The following RYR3 variants were observed in gnomAD, a reference collection of about 807,000 sequenced individuals.
RYR3 encodes the protein brain ryanodine receptor-calcium release channel.
A neutral mutation model predicts 584.3 loss-of-function variants in RYR3; 207 were observed. The ratio of observed to expected loss-of-function variants is 0.35; its 90% CI spans 0.32 to 0.40. The LOEUF is 0.40. Ranked by LOEUF, RYR3 falls within the 10% of genes least tolerant of loss-of-function variation. The pLI, the probability that RYR3 is intolerant of heterozygous loss-of-function variation, is 1.00. For missense variants in RYR3, 5,616 were observed against 6,089.2 expected, an observed-to-expected ratio of 0.92 and a Z score of 2.59; for synonymous variants, 2,416 against 2,248.5, an observed-to-expected ratio of 1.07 and a Z score of -2.11.
At chr15:33,863,355 G>A (rs900523532) in intron 102 of RYR3, among the ~76,000 whole-genome samples, 1 of 152,044 alleles carries the variant, frequency 6.6e-6, no homozygotes, top group African/African-American at 2.4e-5. Context: ...TGCTACTGTG[G>A]GCCAGGACCT....
chr15:33,477,556 TA>T (rs2049492834), intron 2 of RYR3, among the ~76,000 whole-genome samples: 1 of 138,670 alleles, frequency 7.2e-6, no homozygotes, highest in Admixed American at 7.3e-5. Context: ...TTCAGGAATT[TA>T]AAGGTATCTT....
At chr15:33,638,648 A>G (rs761651893) in intron 27 of RYR3, among the ~76,000 whole-genome samples, 11 of 152,238 alleles carry the variant, frequency 7.2e-5, no homozygotes, top group Non-Finnish European at 1.5e-4. Flanking sequence ...TTGCATGCAC[A>G]CTGAAGTATG....
chr15:33,327,809 A>C (rs1168041124), intron 1 of RYR3, among the ~76,000 whole-genome samples: 1 of 152,074 alleles, frequency 6.6e-6, no homozygotes, highest in Non-Finnish European at 1.5e-5. Flanking sequence ...CTCAGTGATT[A>C]CTTGAATGAT....
At position 33,376,701 on chromosome 15, in the gene RYR3, G is replaced by A. The variant is rs934821226; in HGVS notation, c.51+65605G>A. Among the ~76,000 whole-genome samples, 20 of 152,320 alleles carry A rather than the reference G, an allele frequency of 1.3e-4. 1 individual carries two copies. The East Asian group carries it at 2.3e-3, about 18-fold the overall frequency. ...GTACTCCACAACATCCACTTCATCT[G>A]TCTAAGGTCACGTTTTCCTCTGTGT... On this transcript the variant is annotated intron_variant, in intron 1 of 103. Coordinates refer to ENST00000634891, the MANE Select transcript of RYR3 (RefSeq NM_001036.6).
At chr15:33,807,097 C>T (rs965087928) in intron 69 of RYR3, among the ~76,000 whole-genome samples, 4 of 152,118 alleles carry the variant, frequency 2.6e-5, no homozygotes, top group Non-Finnish European at 5.9e-5. Context: ...TAGGTCAGTT[C>T]TCCCCTCTCT....
intron 38 of RYR3, among the ~76,000 whole-genome samples, chr15:33,680,577 G>A (rs984581532): frequency 3.9e-5 from 6 of 152,228 alleles, no homozygotes; most frequent in African/African-American, 7.2e-5. Flanking sequence ...CAAGGATCCC[G>A]AGATCACTTT....
chr15:33,463,643 C>G (rs1271418361), intron 1 of RYR3, among the ~76,000 whole-genome samples: 1 of 152,074 alleles, frequency 6.6e-6, no homozygotes, highest in Non-Finnish European at 1.5e-5. Flanking sequence ...ATATGTAAAC[C>G]CTAATGCCTG....
intron 1 of RYR3, among the ~76,000 whole-genome samples, chr15:33,382,319 CTTTTTTTTT>C (rs34767570): frequency 1.4e-4 from 15 of 104,782 alleles, no homozygotes; most frequent in African/African-American, 5.3e-4. Flanking sequence ...TTAAAAGTGG[CTTTTTTTTT>C]TTTTTTTTTT....
In RYR3 at chr15:33,644,531, C is replaced by T; in HGVS notation, c.3765+12C>T. 1 of 1,606,984 alleles carries T rather than the reference C, an allele frequency of 6.2e-7. No homozygotes were observed. Among genetic ancestry groups the T allele is most frequent in the Non-Finnish European group, 8.5e-7 (1 of 1,174,222 alleles). On this transcript the variant is annotated intron_variant, in intron 28 of 103. Transcript: ENST00000634891. ...ATCCACACATAGAGGTAATGTTACA[C>T]AATGTGTGTGGCCCTGGCAGGTCAG...
chr15:33,544,035 G>A (rs779806929), intron 8 of RYR3, among the ~76,000 whole-genome samples: 2 of 152,154 alleles, frequency 1.3e-5, no homozygotes, highest in Non-Finnish European at 2.9e-5. Context: ...CATGTGCTAA[G>A]TAAATAAGGT....
intron 41 of RYR3, among the ~76,000 whole-genome samples, chr15:33,700,544 C>A (rs1003629281): frequency 3.9e-5 from 6 of 152,102 alleles, no homozygotes; most frequent in Admixed American, 6.5e-5. Context: ...GAGAACCAAA[C>A]AAACAAGTCA....
intron 16 of RYR3, among the ~76,000 whole-genome samples, chr15:33,588,706 T>C (rs1227562615): frequency 2.0e-5 from 3 of 152,228 alleles, no homozygotes; most frequent in African/African-American, 7.2e-5. Flanking sequence ...ATGCAGTATT[T>C]GACATTCTGT....
chr15:33,379,164 G>A (rs1161631208), intron 1 of RYR3, among the ~76,000 whole-genome samples: 2 of 152,138 alleles, frequency 1.3e-5, no homozygotes, highest in African/African-American at 4.8e-5. Context: ...AAAAAAATGA[G>A]TACAAGCAGT....
At chr15:33,758,238 G>A (rs1310124133) in intron 60 of RYR3, among the ~76,000 whole-genome samples, 1 of 152,178 alleles carries the variant, frequency 6.6e-6, no homozygotes, top group African/African-American at 2.4e-5. Flanking sequence ...CACTGAGCTA[G>A]CTGCAGAAGT....
At chr15:33,551,509 G>C (rs1454595151) in intron 10 of RYR3, among the ~76,000 whole-genome samples, 1 of 152,066 alleles carries the variant, frequency 6.6e-6, no homozygotes, top group Non-Finnish European at 1.5e-5. Flanking sequence ...CTCATTTTGT[G>C]CTCCTGTGGT....
At chr15:33,441,093 C>T (rs1262220295) in intron 1 of RYR3, among the ~76,000 whole-genome samples, 1 of 152,200 alleles carries the variant, frequency 6.6e-6, no homozygotes, top group Non-Finnish European at 1.5e-5. Flanking sequence ...CCCAGCCAGC[C>T]ACATTTTCAG....
At chr15:33,700,949 T>C in intron 41 of RYR3, 28 bp from the exon 42 acceptor site, 2 of 1,549,068 alleles carry the variant, frequency 1.3e-6, no homozygotes, top group Non-Finnish European at 1.8e-6. Context: ...TCTGTCCTTT[T>C]CTTGCTAATT....
At chr15:33,349,993 A>G (rs1048259834) in intron 1 of RYR3, among the ~76,000 whole-genome samples, 2 of 151,642 alleles carry the variant, frequency 1.3e-5, no homozygotes, top group Admixed American at 6.6e-5. Context: ...CCAGTCTATC[A>G]TTGTTGGACA....
At chr15:33,443,041 T>G (rs2046355246) in intron 1 of RYR3, among the ~76,000 whole-genome samples, 1 of 152,092 alleles carries the variant, frequency 6.6e-6, no homozygotes, top group Admixed American at 6.5e-5. Flanking sequence ...GGCAGATCAC[T>G]TAAGGTCAGG....
Sources: allele counts gnomAD v4.1 joint callset (sites outside exome capture counted in the v4.1 genomes callset), GRCh38; gene constraint gnomAD v4.1.1; transcripts MANE v1.5; gene names NCBI Gene and HGNC (gene_info 2026-07-23, HGNC 2026-07-21).